KCNH7: variants seen among roughly 807,000 people sequenced by gnomAD.
KCNH7 encodes the protein potassium voltage-gated channel subfamily H member 7.
KCNH7 carries 49 observed loss-of-function variants against 120.8 expected under a neutral mutation model. The ratio of observed to expected loss-of-function variants is 0.41; its 90% confidence interval spans 0.32 to 0.51. The LOEUF is 0.51. KCNH7 is among the 20% of genes least tolerant of loss of function. KCNH7 has a pLI of 0.38. For missense variants in KCNH7, 1,097 were observed against 1,446.6 expected, an observed-to-expected ratio of 0.76 and a Z score of 3.92; for synonymous variants, 547 against 516.1, an observed-to-expected ratio of 1.06 and a Z score of -0.81.
chr2:162,775,524 G>C (rs1387589402), intron 2 of KCNH7, among the ~76,000 whole-genome samples: 1 of 151,956 alleles, frequency 6.6e-6, no homozygotes. Context: ...AATGGATATG[G>C]ATAAAATGAA....
chr2:162,743,415 G>A (rs966278575), intron 2 of KCNH7, among the ~76,000 whole-genome samples: 3 of 152,094 alleles, frequency 2.0e-5, no homozygotes, highest in African/African-American at 7.2e-5. Flanking sequence ...TTAAATAAAA[G>A]TGACAAACCA....
At chr2:162,470,657 T>G (rs1689489707) in intron 6 of KCNH7, among the ~76,000 whole-genome samples, 2 of 151,190 alleles carry the variant, frequency 1.3e-5, no homozygotes, top group South Asian at 2.1e-4. Flanking sequence ...AGCCGCCCCG[T>G]CCGGGAGGTG....
At chr2:162,583,929 G>T (rs989645501) in intron 2 of KCNH7, among the ~76,000 whole-genome samples, 1 of 152,030 alleles carries the variant, frequency 6.6e-6, no homozygotes, top group South Asian at 2.1e-4. Context: ...ATCTATTTCA[G>T]ATTTGAAAGG....
chr2:162,524,306 G>A (rs997396326), intron 3 of KCNH7, among the ~76,000 whole-genome samples: 8 of 152,000 alleles, frequency 5.3e-5, no homozygotes, highest in Admixed American at 3.9e-4. Flanking sequence ...GTATCTACGA[G>A]TCACTGGTTA....
At chr2:162,710,517 T>C (rs1686890514) in intron 2 of KCNH7, among the ~76,000 whole-genome samples, 1 of 152,150 alleles carries the variant, frequency 6.6e-6, no homozygotes, top group Admixed American at 6.6e-5. Context: ...ACTCAGAAAG[T>C]GCAAGCAAGT....
chr2:162,682,044 G>A (rs996450407), intron 2 of KCNH7, among the ~76,000 whole-genome samples: 9 of 151,130 alleles, frequency 6.0e-5, no homozygotes, highest in Admixed American at 2.7e-4. Context: ...TTATTTTCAC[G>A]ATTAGTTCAC....
At chr2:162,400,094 G>C in intron 10 of KCNH7, 95 bp downstream of exon 10, 1 of 1,333,120 alleles carries the variant, frequency 7.5e-7, no homozygotes, top group Non-Finnish European at 1.0e-6. Context: ...CTGTTCTTAT[G>C]AATACATACA....
At chr2:162,626,711 G>T (rs576966694) in intron 2 of KCNH7, among the ~76,000 whole-genome samples, 1 of 152,018 alleles carries the variant, frequency 6.6e-6, no homozygotes. Context: ...CATTATGGGA[G>T]AATTATTAAA....
intron 2 of KCNH7, among the ~76,000 whole-genome samples, chr2:162,571,292 A>G (rs1444136360): frequency 1.3e-5 from 2 of 152,200 alleles, no homozygotes; most frequent in African/African-American, 2.4e-5. Context: ...ACTCCCATTC[A>G]CAATTGCTTC....
chr2:162,427,467 T>A (rs964466550), intron 8 of KCNH7, among the ~76,000 whole-genome samples: 11 of 152,092 alleles, frequency 7.2e-5, no homozygotes, highest in African/African-American at 2.4e-4. Context: ...ATTAATGACA[T>A]CTTTTCATGA....
chr2:162,766,372 G>A (rs1230771800), intron 2 of KCNH7, among the ~76,000 whole-genome samples: 1 of 152,144 alleles, frequency 6.6e-6, no homozygotes, highest in Non-Finnish European at 1.5e-5. Context: ...GTGAATTTGT[G>A]AAAGACCTAG....
chr2:162,667,692 T>C (rs1307460868), intron 2 of KCNH7, among the ~76,000 whole-genome samples: 1 of 152,206 alleles, frequency 6.6e-6, no homozygotes, highest in Non-Finnish European at 1.5e-5. Flanking sequence ...ATCTACTGGT[T>C]CCAATTCCTA....
chr2:162,729,429 A>C (rs1216358438), intron 2 of KCNH7, among the ~76,000 whole-genome samples: 1 of 151,830 alleles, frequency 6.6e-6, no homozygotes. Context: ...CTTTTTCCAT[A>C]GTTGTTTTAG....
At chr2:162,516,738 C>T (rs761741242) in intron 4 of KCNH7, among the ~76,000 whole-genome samples, 1 of 151,658 alleles carries the variant, frequency 6.6e-6, no homozygotes, top group Non-Finnish European at 1.5e-5. Context: ...TCAACAGACT[C>T]CTCCTATGGC....
At chr2:162,755,163 T>C (rs753584015) in intron 2 of KCNH7, among the ~76,000 whole-genome samples, 4 of 152,024 alleles carry the variant, frequency 2.6e-5, no homozygotes, top group Non-Finnish European at 5.9e-5. Context: ...TGTTAAAACA[T>C]GTACTTATTA....
intron 6 of KCNH7, among the ~76,000 whole-genome samples, chr2:162,491,647 A>C (rs2105715040): frequency 6.6e-6 from 1 of 152,266 alleles, no homozygotes; most frequent in East Asian, 1.9e-4. Flanking sequence ...CATGGGTGAA[A>C]AGTTGCATTG....
At chr2:162,402,121 T>G (rs1256675398) in intron 9 of KCNH7, among the ~76,000 whole-genome samples, 1 of 151,472 alleles carries the variant, frequency 6.6e-6, no homozygotes, top group African/African-American at 2.4e-5. Flanking sequence ...TCTACATGAC[T>G]GGACTCCTTC....
At chr2:162,562,067 G>A (rs998448329) in intron 2 of KCNH7, among the ~76,000 whole-genome samples, 6 of 152,050 alleles carry the variant, frequency 3.9e-5, no homozygotes, top group Admixed American at 1.3e-4. Context: ...TTGGGTGGTC[G>A]GGGGCTAGGG....
At position 162,836,555 on chromosome 2, in the gene KCNH7, T is replaced by C; in HGVS notation, c.289A>G (p.Thr97Ala). Residue 97 changes from threonine (T) to alanine (A), a missense_variant, in exon 2 of 16, where the codon ACC becomes GCC. Coordinates refer to ENST00000332142, the MANE Select transcript of KCNH7 (RefSeq NM_033272.4). ...LGSEERKVEV[T>A]YYHKNGSTFI... The stretch of plus-strand genomic sequence containing the variant: ...ATTTTACCATTTTTGTGATAGTAGG[T>C]GACCTCCACTTTCCTCTCTTCTGAC... 1 of 1,613,746 alleles carries C rather than the reference T, an allele frequency of 6.2e-7. No homozygotes were observed. The highest frequency in any genetic ancestry group is 8.5e-7 in the Non-Finnish European group (1 of 1,179,676).
Sources: allele counts gnomAD v4.1 joint callset (sites outside exome capture counted in the v4.1 genomes callset), GRCh38; gene constraint gnomAD v4.1.1; transcripts MANE v1.5; gene names NCBI Gene and HGNC (gene_info 2026-07-23, HGNC 2026-07-21).